The following CFAP74 variants were observed in gnomAD, a reference collection of about 807,000 sequenced individuals.
The protein encoded by CFAP74 is cilia- and flagella-associated protein 74.
A neutral mutation model predicts 188.9 loss-of-function variants in CFAP74; 124 were observed. That is an observed-to-expected ratio of 0.66 (90% CI 0.57 to 0.76). The LOEUF (loss-of-function observed/expected upper bound fraction) is 0.76. Ranked by LOEUF, CFAP74 falls within the 30% of genes least tolerant of loss-of-function variation. The pLI is 0.00. For missense variants in CFAP74, 2,198 were observed against 2,165.2 expected, an observed-to-expected ratio of 1.02 and a Z score of -0.30; for synonymous variants, 956 against 916.7, an observed-to-expected ratio of 1.04 and a Z score of -0.77.
chr1:1,938,150 C>A lies in CFAP74; in HGVS notation c.3011+705G>T, dbSNP rs1050139056. ...TCAGTCACATGCTCACACATACATGCACTCACACTCAACCTTACACACCCA... is the reference window on the plus strand; with the variant it reads ...TCAGTCACATGCTCACACATACATGAACTCACACTCAACCTTACACACCCA... On this transcript the variant is annotated intron_variant, in intron 25 of 38. Transcript: ENST00000682832. Among the ~76,000 whole-genome samples, 12 of 151,404 alleles carry A rather than the reference C, an allele frequency of 7.9e-5. 1 individual carries two copies. The highest frequency in any genetic ancestry group is 2.7e-4 in the African/African-American group (11 of 41,030).
At chr1:2,001,836 A>C (rs574387018) in intron 1 of CFAP74, among the ~76,000 whole-genome samples, 1 of 152,198 alleles carries the variant, frequency 6.6e-6, no homozygotes, top group Non-Finnish European at 1.5e-5. Context: ...ACGAGGACAC[A>C]GCAGACGAAA....
chr1:1,970,057 T>C (rs757948574), intron 10 of CFAP74, among the ~76,000 whole-genome samples: 8 of 152,116 alleles, frequency 5.3e-5, no homozygotes, highest in Non-Finnish European at 1.2e-4. Context: ...GAGGTCTGGA[T>C]CTCAGGAAGC....
intron 3 of CFAP74, 61 bp downstream of exon 3, chr1:1,988,828 C>G: frequency 7.1e-6 from 3 of 425,292 alleles, no homozygotes; most frequent in South Asian, 4.4e-5. Context: ...ACCCACCCCC[C>G]CACCCCCACC....
At chr1:1,959,856 G>A in intron 15 of CFAP74, 108 bp downstream of exon 15, 1 of 907,500 alleles carries the variant, frequency 1.1e-6, no homozygotes, top group African/African-American at 1.8e-5. Context: ...TCCTCACTGA[G>A]AGGCCAAGTG....
At position 1,966,416 on chromosome 1, in the gene CFAP74, C is replaced by A; in HGVS notation, c.1356G>T (p.Glu452Asp). 1 of 1,600,644 alleles carries A rather than the reference C, an allele frequency of 6.2e-7. No homozygotes were observed. The highest frequency in any genetic ancestry group is 1.7e-5 in the Admixed American group (1 of 58,632). The change falls in exon 12 of 39, where the codon GAG becomes GAT. Residue 452 changes from glutamate to aspartate, a missense_variant. By Grantham distance (45) the Glu-to-Asp change is conservative. Transcript: ENST00000682832. The part of the protein sequence containing the change: ...GASSEEETLA[E>D]PEISGLWNED... ...CATTCCAAAGCCCAGAGATCTCGGG[C>A]TCAGCTAACGTTTCCTCCTCTGAGC...
At chr1:1,926,032 T>C (rs932724125) in intron 32 of CFAP74, 94 bp from the exon 33 acceptor site, 16 of 1,435,624 alleles carry the variant, frequency 1.1e-5, no homozygotes, top group Middle Eastern at 4.5e-4. Context: ...AACGCTGGAG[T>C]TGAGACAGCT....
intron 18 of CFAP74, among the ~76,000 whole-genome samples, chr1:1,950,234 T>G (rs1424600788): frequency 6.6e-6 from 1 of 152,198 alleles, no homozygotes; most frequent in Non-Finnish European, 1.5e-5. Flanking sequence ...AATTTACATT[T>G]TCTTCATCTC....
chr1:1,923,322 C>T lies in CFAP74; in HGVS notation c.4522+45G>A. Reference sequence around the variant, plus strand: ...GGGGCCCCCATCCACGGGACAGGGGCACCGGGAGGCCCCGTGTCTGTTCCC... The same window carrying T: ...GGGGCCCCCATCCACGGGACAGGGGTACCGGGAGGCCCCGTGTCTGTTCCC... On this transcript the variant is annotated intron_variant, in intron 36 of 38. Coordinates refer to ENST00000682832, the MANE Select transcript of CFAP74 (RefSeq NM_001304360.2). The surrounding 1 kb of genome is among the most constrained non-coding windows in gnomAD (Gnocchi z 6.3). The T allele has an allele frequency of 6.5e-7, 1 of 1,531,748 alleles. No homozygotes were observed. The highest frequency in any genetic ancestry group is 1.4e-5 in the African/African-American group (1 of 72,834). 94.9% of individuals were successfully genotyped at this position (1,531,748 alleles called of 1,614,324 possible).
chr1:1,955,240 G>A (rs1437368099), intron 18 of CFAP74: 19 of 1,290,660 alleles, frequency 1.5e-5, no homozygotes, highest in Non-Finnish European at 1.7e-5. Flanking sequence ...AGACGCAAGC[G>A]ATTCCCGATG....
chr1:1,990,010 C>T lies in CFAP74; in HGVS notation c.67+880G>A, dbSNP rs1374596698. 3.4e-5 allele frequency among the ~76,000 whole-genome samples: 5 copies of T among 148,352 alleles called. No homozygotes were observed. In the South Asian group the frequency reaches 6.3e-4, roughly 19 times the overall value. The stretch of plus-strand genomic sequence containing the variant: ...TTTCCAGAGGCTGCATGACAGGTGA[C>T]GTCACAACAGACAGCTCTAAGACTC... On this transcript the variant is annotated intron_variant, in intron 2 of 38. Transcript: ENST00000682832.
rs766383299 is a variant in CFAP74 at position 1,923,404 on chromosome 1, C to T, written c.4485G>A (p.Leu1495=). ...GDPLDVPVES[L]TAIPVFDPRH... ...TGGGGTCAAATACAGGGATCGCTGT[C>T]AGAGACTCCACGGGCACGTCCAGGG... The change falls in exon 36 of 39, where the codon CTG becomes CTA. Residue 1495 remains leucine (L), a synonymous_variant. Coordinates refer to ENST00000682832, the MANE Select transcript of CFAP74 (RefSeq NM_001304360.2). This position sits in a 1 kb window ranked among gnomAD's most constrained non-coding sequence, Gnocchi z 6.3. 3 of 1,595,374 alleles carry T rather than the reference C, an allele frequency of 1.9e-6. No homozygotes were observed. Among genetic ancestry groups the T allele is most frequent in the African/African-American group, 2.7e-5 (2 of 74,842 alleles).
In CFAP74 at chr1:1,938,548, G is replaced by A. The variant is rs61265292; in HGVS notation, c.3011+307C>T. ...CCTGCTCCTACAGTGATACGTCTGCGCACACACGTTCACACACACACACAG... is the reference window on the plus strand; with the variant it reads ...CCTGCTCCTACAGTGATACGTCTGCACACACACGTTCACACACACACACAG... On this transcript the variant is annotated intron_variant, in intron 25 of 38. Transcript: ENST00000682832. 2.2e-3 allele frequency among the ~76,000 whole-genome samples: 334 copies of A among 151,816 alleles called. 1 individual carries two copies. Among genetic ancestry groups the A allele is most frequent in the African/African-American group, 7.6e-3 (314 of 41,360 alleles).
At chr1:1,925,645 G>A in intron 33 of CFAP74, 138 bp downstream of exon 33, 1 of 862,976 alleles carries the variant, frequency 1.2e-6, no homozygotes, top group Non-Finnish European at 1.7e-6. Context: ...GCTGTGTAGA[G>A]GAGGGGTAGA....
chr1:1,971,349 A>ACGTG (rs1558043288), intron 9 of CFAP74, among the ~76,000 whole-genome samples: 2 of 151,464 alleles, frequency 1.3e-5, no homozygotes, highest in East Asian at 3.9e-4. Context: ...ACGTGCACAC[A>ACGTG]CATGCACACC....
At chr1:1,994,825 T>C (rs1444316108) in intron 1 of CFAP74, among the ~76,000 whole-genome samples, 3 of 152,142 alleles carry the variant, frequency 2.0e-5, no homozygotes, top group Non-Finnish European at 4.4e-5. Flanking sequence ...GAGTCCTCAC[T>C]AACAACAGGG....
chr1:1,922,548 C>T (rs761672430), intron 38 of CFAP74, 41 bp downstream of exon 38: 7 of 1,600,770 alleles, frequency 4.4e-6, no homozygotes, highest in East Asian at 2.2e-5. Flanking sequence ...CAGCCTTTGG[C>T]GTTCCCAGGG....
chr1:1,927,601 A>G lies in CFAP74; in HGVS notation c.3527+6T>C. The G allele has an allele frequency of 6.5e-7, 1 of 1,548,508 alleles. No individual in the cohort carries two copies. ...AAGCAGGTGGGGCAGCCCCTCCTGG[A>G]CCCACCTGGGCCTCAGCTCCCGCTT... On this transcript the variant is annotated splice_donor_region_variant and intron_variant, in intron 28 of 38. Transcript: ENST00000682832.
chr1:2,003,496 G>A (rs911776796), intron 1 of CFAP74, among the ~76,000 whole-genome samples: 1 of 152,198 alleles, frequency 6.6e-6, no homozygotes, highest in Non-Finnish European at 1.5e-5. Flanking sequence ...CTGCTGCAAA[G>A]TCAGGGGCGG....
chr1:1,925,428 C>G (rs1285773663), intron 33 of CFAP74, among the ~76,000 whole-genome samples: 3 of 152,160 alleles, frequency 2.0e-5, no homozygotes, highest in Admixed American at 6.5e-5. Flanking sequence ...AACCCTTGCC[C>G]CCGGTGGCTG....
Sources: allele counts gnomAD v4.1 joint callset (sites outside exome capture counted in the v4.1 genomes callset), GRCh38; gene constraint gnomAD v4.1.1; non-coding constraint Gnocchi (gnomAD v3.1); transcripts MANE v1.5; gene names NCBI Gene and HGNC (gene_info 2026-07-23, HGNC 2026-07-21).